The following NAALADL2 variants were observed in gnomAD, a reference collection of about 807,000 sequenced individuals.
The protein encoded by NAALADL2 is N-acetylated alpha-linked acidic dipeptidase like 2.
Under a neutral mutation model 87.2 loss-of-function variants are expected in NAALADL2, and 76 were observed. The observed-to-expected ratio is 0.87, with a 90% CI of 0.72 to 1.05. NAALADL2 has a LOEUF of 1.05. Ranked by LOEUF, NAALADL2 falls within the 50% of genes least tolerant of loss-of-function variation. The pLI is 0.00. For synonymous variants in NAALADL2, 354 were observed against 331.0 expected (o/e 1.07, Z -0.75); for missense variants, 1,089 against 945.8 (o/e 1.15, Z -1.99).
chr3:174,896,423 T>A (rs1352873510), intron 1 of NAALADL2, among the ~76,000 whole-genome samples: 1 of 152,090 alleles, frequency 6.6e-6, no homozygotes, highest in African/African-American at 2.4e-5. Flanking sequence ...CCATTTACAA[T>A]AGCCACACAT....
chr3:174,861,345 A>C (rs1379616914), intron 1 of NAALADL2, among the ~76,000 whole-genome samples: 1 of 150,500 alleles, frequency 6.6e-6, no homozygotes, highest in Admixed American at 6.6e-5. Flanking sequence ...TTACATTATA[A>C]AGGCAATGGA....
chr3:175,723,689 T>C (rs6443316), intron 11 of NAALADL2, among the ~76,000 whole-genome samples: 42,887 of 151,986 alleles, frequency 0.28, 6,970 homozygotes, highest in African/African-American at 0.45. Flanking sequence ...CTCCTTTACA[T>C]GGAGCTTGTT....
chr3:175,706,086 C>G (rs1739662477), intron 11 of NAALADL2, among the ~76,000 whole-genome samples: 1 of 151,934 alleles, frequency 6.6e-6, no homozygotes, highest in Admixed American at 6.6e-5. Flanking sequence ...CAAAATAGAC[C>G]ATGAAGCAGC....
intron 4 of NAALADL2, among the ~76,000 whole-genome samples, chr3:175,288,667 G>A (rs1348028046): frequency 6.6e-6 from 1 of 152,172 alleles, no homozygotes; most frequent in Non-Finnish European, 1.5e-5. Context: ...TCCTGAGCCA[G>A]TTGCTTAGAA....
intron 11 of NAALADL2, among the ~76,000 whole-genome samples, chr3:175,725,172 GTCTTGGTGCA>G (rs1742760986): frequency 6.6e-6 from 1 of 151,946 alleles, no homozygotes; most frequent in Non-Finnish European, 1.5e-5. Context: ...GGCTTCTTCT[GTCTTGGTGCA>G]TTATGTATGC....
At chr3:175,048,340 T>C (rs552679313) in intron 1 of NAALADL2, among the ~76,000 whole-genome samples, 2 of 151,950 alleles carry the variant, frequency 1.3e-5, no homozygotes, top group South Asian at 4.2e-4. Context: ...CAAAAATTGT[T>C]CTTTTTTTCT....
chr3:174,754,083 G>A (rs1490751251), intron 3 of NAALADL2, among the ~76,000 whole-genome samples: 1 of 152,156 alleles, frequency 6.6e-6, no homozygotes, highest in East Asian at 1.9e-4. Context: ...ATGGTATTTT[G>A]TTATGGCAGC....
At chr3:174,714,098 A>G (rs1019708628) in intron 2 of NAALADL2, among the ~76,000 whole-genome samples, 1 of 152,176 alleles carries the variant, frequency 6.6e-6, no homozygotes, top group Non-Finnish European at 1.5e-5. Context: ...TTTGTCAAAG[A>G]TCAGATAGTT....
chr3:175,784,438 G>A (rs1252587149), intron 13 of NAALADL2, among the ~76,000 whole-genome samples: 1 of 144,330 alleles, frequency 6.9e-6, no homozygotes, highest in African/African-American at 2.7e-5. Flanking sequence ...TTGGGAGAGT[G>A]TATGTGTCGA....
At chr3:175,387,220 C>T (rs1387331503) in intron 5 of NAALADL2, among the ~76,000 whole-genome samples, 1 of 152,110 alleles carries the variant, frequency 6.6e-6, no homozygotes, top group Non-Finnish European at 1.5e-5. Context: ...GTGTTCAATA[C>T]TATCTGCGGT....
chr3:175,376,449 A>G (rs1479985789), intron 5 of NAALADL2, among the ~76,000 whole-genome samples: 1 of 152,068 alleles, frequency 6.6e-6, no homozygotes, highest in Admixed American at 6.5e-5. Context: ...ATGTTGTTCT[A>G]TAGACTTGTG....
chr3:174,809,610 CAT>C (rs35061423), intron 3 of NAALADL2, among the ~76,000 whole-genome samples: 2,169 of 151,614 alleles, frequency 0.014, 65 homozygotes, highest in African/African-American at 0.051. Context: ...AAAGTGGCCT[CAT>C]ATATAACTTC....
At chr3:175,398,349 T>TTTTG (rs1560489370) in intron 5 of NAALADL2, among the ~76,000 whole-genome samples, 3 of 82,482 alleles carry the variant, frequency 3.6e-5, no homozygotes, top group African/African-American at 1.1e-4. Context: ...TGCTACTTTT[T>TTTTG]TTTTTTTTTT....
chr3:175,134,742 G>T (rs182520333), intron 2 of NAALADL2, among the ~76,000 whole-genome samples: 12 of 152,178 alleles, frequency 7.9e-5, no homozygotes. Context: ...TAAAATTCAA[G>T]ACTATCATCA....
chr3:174,722,950 T>A (rs1014607666), intron 2 of NAALADL2, among the ~76,000 whole-genome samples: 1 of 152,190 alleles, frequency 6.6e-6, no homozygotes, highest in Non-Finnish European at 1.5e-5. Flanking sequence ...AGATACCATC[T>A]TTTTTACATT....
At chr3:175,486,650 T>C (rs985239344) in intron 9 of NAALADL2, among the ~76,000 whole-genome samples, 5 of 152,232 alleles carry the variant, frequency 3.3e-5, no homozygotes, top group Admixed American at 6.5e-5. Context: ...GAATGAAACT[T>C]TTTAAATGTG....
At chr3:175,665,232 C>T (rs1177749571) in intron 11 of NAALADL2, among the ~76,000 whole-genome samples, 4 of 152,166 alleles carry the variant, frequency 2.6e-5, no homozygotes, top group Non-Finnish European at 4.4e-5. Flanking sequence ...ACAGAGCAAA[C>T]AGTTACAAGG....
chr3:175,086,207 G>T (rs1461092897), intron 1 of NAALADL2, among the ~76,000 whole-genome samples: 1 of 152,048 alleles, frequency 6.6e-6, no homozygotes, highest in Non-Finnish European at 1.5e-5. Context: ...ACATCCACTG[G>T]TTCTTTATAG....
chr3:174,472,952 A>T (rs879033035), intron 1 of NAALADL2, among the ~76,000 whole-genome samples: 4 of 152,146 alleles, frequency 2.6e-5, no homozygotes, highest in Admixed American at 2.6e-4. Context: ...CACCTAGGTT[A>T]TATTATCCTA....
Sources: allele counts gnomAD v4.1 joint callset (sites outside exome capture counted in the v4.1 genomes callset), GRCh38; gene constraint gnomAD v4.1.1; transcripts MANE v1.5; gene names NCBI Gene and HGNC (gene_info 2026-07-23, HGNC 2026-07-21).